The following NID1 variants were observed in gnomAD, a reference collection of about 807,000 sequenced individuals.
NID1 encodes the protein nidogen-1.
Under a neutral mutation model 130.6 loss-of-function variants are expected in NID1, and 76 were observed. The observed-to-expected ratio is 0.58, with a 90% CI of 0.48 to 0.70. The LOEUF (loss-of-function observed/expected upper bound fraction) is 0.70. Ranked by LOEUF, NID1 falls within the 30% of genes least tolerant of loss-of-function variation. The pLI is 0.00. For synonymous variants in NID1, 665 were observed against 675.1 expected, an observed-to-expected ratio of 0.98 and a Z score of 0.23; for missense variants, 1,517 against 1,664.8, an observed-to-expected ratio of 0.91 and a Z score of 1.54.
intron 12 of NID1, among the ~76,000 whole-genome samples, chr1:236,008,212 T>C (rs1489231776): frequency 6.6e-6 from 1 of 152,208 alleles, no homozygotes; most frequent in Non-Finnish European, 1.5e-5. Context: ...GCCACTAAAC[T>C]AACTTCACAA....
intron 12 of NID1, among the ~76,000 whole-genome samples, chr1:235,995,133 A>G (rs964059577): frequency 3.3e-5 from 5 of 152,242 alleles, no homozygotes; most frequent in African/African-American, 1.2e-4. Context: ...AACCAACTAC[A>G]GATTGAAAAT....
intron 2 of NID1, among the ~76,000 whole-genome samples, chr1:236,048,442 C>T (rs925308271): frequency 5.3e-5 from 8 of 152,194 alleles, no homozygotes; most frequent in Admixed American, 1.3e-4. Context: ...ATTTTTGCCA[C>T]ATAGCAGTCT....
intron 1 of NID1, among the ~76,000 whole-genome samples, chr1:236,049,607 G>A (rs1432470530): frequency 1.3e-5 from 2 of 152,184 alleles, no homozygotes; most frequent in Non-Finnish European, 2.9e-5. Context: ...GCATCAAGAA[G>A]CAAATCTGTA....
chr1:236,030,998 G>T (rs1486143945), intron 6 of NID1, among the ~76,000 whole-genome samples: 1 of 152,218 alleles, frequency 6.6e-6, no homozygotes. Context: ...CATCTGGTTT[G>T]CATGAGAGCA....
Position 235,993,816 on chromosome 1 carries a change from C to T in NID1, c.2584G>A (p.Ala862Thr), listed in dbSNP as rs1045651453. 1.2e-6 allele frequency: 2 copies of T among 1,613,926 alleles called. No individual in the cohort carries two copies. The highest frequency in any genetic ancestry group is 1.3e-5 in the African/African-American group (1 of 74,946). ...GGAATGGGTCGCTGTGGGTCTGTCG[C>T]CCCCGCTGCCCCGAGAATGTGTTCT... is the stretch of plus-strand genomic sequence containing the variant. ...EREHILGAAG[A>T]TDPQRPIPPG... The change falls in exon 13 of 20, where the codon GCG becomes ACG. Residue 862 changes from alanine to threonine, a missense_variant. Physicochemically the swap from Ala to Thr is moderately conservative, Grantham distance 58. Around this residue, in one of 3 missense-constraint regions of NID1, gnomAD observed 1,329 missense variants for 1,429.2 expected, o/e 0.93. Coordinates refer to ENST00000264187, the MANE Select transcript of NID1 (RefSeq NM_002508.3).
rs1657269920 is a variant in NID1 at position 235,976,856 on chromosome 1, G to A, written c.*1011C>T. ...GTGAGGTCATGGTTGAGTGTAAATT[G>A]GTTCTGTCATGTGGAGGCCGGAGGT... is the stretch of plus-strand genomic sequence containing the variant. On this transcript the variant is annotated 3_prime_UTR_variant, in exon 20 of 20. Coordinates refer to ENST00000264187, the MANE Select transcript of NID1 (RefSeq NM_002508.3). The A allele has an allele frequency of 6.6e-6, 1 of 152,148 alleles. No homozygotes were observed. The allele number at this position is 152,148 out of a possible 1,614,324, so 9.4% of individuals were successfully genotyped here. A position where few individuals can be genotyped will look rare whatever the true frequency, so the allele number is the denominator to read the frequency against.
In NID1 at chr1:235,990,893, T is replaced by C. The variant is rs753910999; in HGVS notation, c.2921A>G (p.His974Arg). ...MRKTEAKAFL[H>R]VPAKVIIGLA... Reference sequence around the variant, plus strand: ...TAATCAGCCAGCACTCACCGGGACATGAAGGAACGCCTTTGCTTCTGTCTT... The same window carrying C: ...TAATCAGCCAGCACTCACCGGGACACGAAGGAACGCCTTTGCTTCTGTCTT... Residue 974 changes from histidine (H) to arginine (R), a missense_variant, in exon 14 of 20, where the codon CAT becomes CGT. His to Arg is a conservative substitution (Grantham distance 29, BLOSUM62 0). Coordinates refer to ENST00000264187, the MANE Select transcript of NID1 (RefSeq NM_002508.3). 51 of 1,613,974 alleles carry C rather than the reference T, an allele frequency of 3.2e-5. No individual in the cohort carries two copies. In the Admixed American group the frequency reaches 8.0e-4, roughly 25 times the overall value.
intron 12 of NID1, among the ~76,000 whole-genome samples, chr1:236,004,654 C>G (rs568936985): frequency 5.5e-4 from 79 of 144,792 alleles, no homozygotes; most frequent in African/African-American, 2.0e-3. Context: ...CCCAGCTACT[C>G]GGGAGGCTAA....
At chr1:236,042,516 C>T (rs775681412) in intron 3 of NID1, among the ~76,000 whole-genome samples, 8 of 152,204 alleles carry the variant, frequency 5.3e-5, no homozygotes, top group Non-Finnish European at 1.2e-4. Flanking sequence ...AATACTAGCA[C>T]AAGCTCAGTC....
intron 3 of NID1, among the ~76,000 whole-genome samples, chr1:236,042,845 C>G (rs900778281): frequency 6.6e-6 from 1 of 152,158 alleles, no homozygotes; most frequent in Non-Finnish European, 1.5e-5. Flanking sequence ...TAGACAGTTT[C>G]AGGATGGGGG....
chr1:236,056,188 C>T (rs1253145024), intron 1 of NID1, among the ~76,000 whole-genome samples: 1 of 152,120 alleles, frequency 6.6e-6, no homozygotes, highest in Non-Finnish European at 1.5e-5. Flanking sequence ...TATAAAACTC[C>T]TAGAAGAAAA....
chr1:235,976,380 T>C lies in NID1; in HGVS notation c.*1487A>G, dbSNP rs1275303309. On this transcript the variant is annotated 3_prime_UTR_variant, in exon 20 of 20. Transcript: ENST00000264187. ...AAGTGGTCTTTGGCAAAATGTACCA[T>C]TTTCTTTTTGGAGTTACTTAAGAGT... The C allele has an allele frequency of 6.6e-6, 1 of 152,214 alleles. No homozygotes were observed. The highest frequency in any genetic ancestry group is 1.5e-5 in the Non-Finnish European group (1 of 68,040). The allele number at this position is 152,214 out of a possible 1,614,324, so 9.4% of individuals were successfully genotyped here.
At chr1:236,030,994 G>A (rs542515702) in intron 6 of NID1, among the ~76,000 whole-genome samples, 1 of 152,324 alleles carries the variant, frequency 6.6e-6, no homozygotes, top group South Asian at 2.1e-4. Flanking sequence ...AGGGCATCTG[G>A]TTTGCATGAG....
chr1:236,015,687 G>A lies in NID1; in HGVS notation c.2254+1461C>T, dbSNP rs984758518. On this transcript the variant is annotated intron_variant, in intron 10 of 19. Transcript: ENST00000264187. ...AAAAAAGGGAGGCTAGAGCTCAGGG[G>A]AGAGGACAAGAGCCTGCCCACAGCT... Among the ~76,000 whole-genome samples the A allele has an allele frequency of 7.3e-5, 11 of 150,228 alleles. No homozygotes were observed. The South Asian group carries it at 1.3e-3, about 17-fold the overall frequency.
rs576208932 is a variant in NID1 at position 236,059,271 on chromosome 1, G to A, written c.225+5584C>T. On this transcript the variant is annotated intron_variant, in intron 1 of 19. Transcript: ENST00000264187. ...GGATGGCTTCAAAGTTAGTGACTGG[G>A]TAGCTACAAAAAGCTGGAAAACAAA... Among the ~76,000 whole-genome samples the A allele has an allele frequency of 1.5e-4, 23 of 152,198 alleles. 1 individual carries two copies. In the East Asian group the frequency reaches 4.2e-3, roughly 28 times the overall value.
chr1:236,020,908 G>A (rs1249574524), intron 9 of NID1, among the ~76,000 whole-genome samples: 2 of 152,290 alleles, frequency 1.3e-5, no homozygotes, highest in Non-Finnish European at 2.9e-5. Context: ...CAAGGATATC[G>A]GAGGATTTTC....
intron 7 of NID1, among the ~76,000 whole-genome samples, chr1:236,028,579 G>A (rs1659004877): frequency 6.6e-6 from 1 of 152,044 alleles, no homozygotes; most frequent in African/African-American, 2.4e-5. Flanking sequence ...TTTGATAACT[G>A]TACTGTGGCC....
At chr1:236,060,461 A>G (rs558391369) in intron 1 of NID1, among the ~76,000 whole-genome samples, 139 of 152,268 alleles carry the variant, frequency 9.1e-4, no homozygotes, top group Non-Finnish European at 1.2e-3. Flanking sequence ...CTTAACCATC[A>G]GGGAATGCAG....
intron 1 of NID1, among the ~76,000 whole-genome samples, chr1:236,053,942 T>C (rs753800755): frequency 7.3e-5 from 11 of 150,584 alleles, no homozygotes; most frequent in Admixed American, 3.3e-4. Flanking sequence ...ATAAAATAAA[T>C]AAAAAGTGCA....
Sources: allele counts gnomAD v4.1 joint callset (sites outside exome capture counted in the v4.1 genomes callset), GRCh38; gene constraint gnomAD v4.1.1; regional missense constraint gnomAD v4.1.1; transcripts MANE v1.5; gene names NCBI Gene and HGNC (gene_info 2026-07-23, HGNC 2026-07-21).